KCNMA1: variants seen among roughly 807,000 people sequenced by gnomAD.
KCNMA1 encodes potassium calcium-activated channel subfamily M alpha 1.
KCNMA1 carries 29 observed loss-of-function variants against 140.0 expected under a neutral mutation model. The observed-to-expected ratio is 0.21, with a 90% CI of 0.15 to 0.28. The LOEUF is 0.28. Ranked by LOEUF, KCNMA1 falls within the 10% of genes least tolerant of loss-of-function variation. KCNMA1 has a pLI of 1.00. For synonymous variants in KCNMA1, 612 were observed against 611.9 expected, an observed-to-expected ratio of 1.00 and a Z score of 0.00; for missense variants, 880 against 1,602.2, an observed-to-expected ratio of 0.55 and a Z score of 7.70.
chr10:77,141,011 GA>G (rs977295640), intron 5 of KCNMA1, among the ~76,000 whole-genome samples: 1 of 152,036 alleles, frequency 6.6e-6, no homozygotes, highest in African/African-American at 2.4e-5. Flanking sequence ...GACTCATAAG[GA>G]GGATTCCCTT....
At chr10:77,377,326 A>G (rs917793459) in intron 2 of KCNMA1, among the ~76,000 whole-genome samples, 1 of 152,160 alleles carries the variant, frequency 6.6e-6, no homozygotes, top group Non-Finnish European at 1.5e-5. Context: ...CCAAGGACAA[A>G]GATGACCTCT....
chr10:77,588,219 C>T (rs1160440568), intron 1 of KCNMA1, among the ~76,000 whole-genome samples: 1 of 152,130 alleles, frequency 6.6e-6, no homozygotes, highest in Admixed American at 6.6e-5. Context: ...CAAGGTCAGA[C>T]ATAAAAGAGA....
At chr10:77,036,061 T>C (rs900392916) in intron 15 of KCNMA1, among the ~76,000 whole-genome samples, 1 of 152,190 alleles carries the variant, frequency 6.6e-6, no homozygotes, top group Non-Finnish European at 1.5e-5. Flanking sequence ...ATGGCTAGGA[T>C]AATGCAGGCA....
At chr10:77,533,978 C>T (rs1236718775) in intron 1 of KCNMA1, among the ~76,000 whole-genome samples, 1 of 152,154 alleles carries the variant, frequency 6.6e-6, no homozygotes, top group Non-Finnish European at 1.5e-5. Flanking sequence ...TATGCCAAAG[C>T]TGGCCCACTA....
At chr10:77,039,477 C>T (rs748206745) in intron 15 of KCNMA1, 51 bp downstream of exon 15, 7 of 1,059,528 alleles carry the variant, frequency 6.6e-6, no homozygotes, top group Admixed American at 1.7e-5. Flanking sequence ...TTGCAAGGGG[C>T]ACATTCAATA....
rs1205747293 is a variant in KCNMA1, at chr10:76,926,055, A to G, written c.2903-11006T>C. Among the ~76,000 whole-genome samples the G allele has an allele frequency of 2.0e-5, 3 of 152,192 alleles. No homozygotes were observed. The South Asian group carries it at 6.2e-4, about 31-fold the overall frequency. Reference sequence around the variant, plus strand: ...TTAAGTGTTGAAGTGTTTCCTGTACATACGTTTATGCTGGCAGATGAATAG... The same window carrying G: ...TTAAGTGTTGAAGTGTTTCCTGTACGTACGTTTATGCTGGCAGATGAATAG... On this transcript the variant is annotated intron_variant, in intron 23 of 27. Transcript: ENST00000286628.
intron 3 of KCNMA1, among the ~76,000 whole-genome samples, chr10:77,212,470 G>C (rs114284714): frequency 0.02 from 3,055 of 152,066 alleles, 107 homozygotes; most frequent in African/African-American, 0.07. Flanking sequence ...AAGGACCGTG[G>C]GTTGAAAAAC....
intron 1 of KCNMA1, among the ~76,000 whole-genome samples, chr10:77,446,079 G>C (rs1307333786): frequency 6.6e-6 from 1 of 150,620 alleles, no homozygotes; most frequent in Non-Finnish European, 1.5e-5. Context: ...CCTAATCCCT[G>C]AAACCTCTCT....
At chr10:77,432,139 C>T (rs1261921057) in intron 1 of KCNMA1, among the ~76,000 whole-genome samples, 1 of 152,196 alleles carries the variant, frequency 6.6e-6, no homozygotes, top group African/African-American at 2.4e-5. Flanking sequence ...TTTCCTTTCC[C>T]CTTCTGAGCA....
At chr10:77,374,167 C>T (rs2094928458) in intron 2 of KCNMA1, among the ~76,000 whole-genome samples, 1 of 152,144 alleles carries the variant, frequency 6.6e-6, no homozygotes, top group African/African-American at 2.4e-5. Flanking sequence ...CTGATCTGGC[C>T]AAGCCTGGGC....
chr10:77,636,611 G>A (rs930636952), intron 1 of KCNMA1: 2 of 1,536,008 alleles, frequency 1.3e-6, no homozygotes, highest in African/African-American at 1.4e-5. Context: ...ATGCGACCTC[G>A]ACACATTCCA....
At chr10:77,375,511 G>A (rs2095035692) in intron 2 of KCNMA1, among the ~76,000 whole-genome samples, 1 of 152,188 alleles carries the variant, frequency 6.6e-6, no homozygotes, top group Non-Finnish European at 1.5e-5. Context: ...GCCACCACAA[G>A]AGTCCTCCAT....
At chr10:76,919,982 T>TTGTGTGTGTGTGTGTG (rs1196371060) in intron 23 of KCNMA1, among the ~76,000 whole-genome samples, 3 of 77,616 alleles carry the variant, frequency 3.9e-5, no homozygotes, top group Admixed American at 1.9e-4. Context: ...GCAATGAGCA[T>TTGTGTGTGTGTGTGTG]TGTGTGTGTG....
chr10:77,490,635 G>A (rs760489324), intron 1 of KCNMA1, among the ~76,000 whole-genome samples: 3 of 152,168 alleles, frequency 2.0e-5, no homozygotes, highest in South Asian at 2.1e-4. Flanking sequence ...GGTTGGTGCT[G>A]TGCTTATTCA....
intron 1 of KCNMA1, among the ~76,000 whole-genome samples, chr10:77,589,185 AAG>A (rs1409604238): frequency 4.6e-5 from 7 of 152,218 alleles, no homozygotes; most frequent in African/African-American, 1.7e-4. Context: ...CTTATAAAAC[AAG>A]AGAGGTGTGT....
rs56084067 is a variant in KCNMA1 at position 77,637,174 on chromosome 10, C to T, written c.378+91G>A. ...AGGCAGGCGGGGATGGAGGGAGGCA[C>T]GGCGCGGCGCGGAGCGAGGAGGTGG... On this transcript the variant is annotated intron_variant, in intron 1 of 27. Transcript: ENST00000286628. The T allele has an allele frequency of 6.1e-6, 8 of 1,306,488 alleles. No homozygotes were observed. The East Asian group carries it at 7.7e-5, about 12-fold the overall frequency. The allele number at this position is 1,306,488 out of a possible 1,614,324, so 80.9% of individuals were successfully genotyped here.
intron 25 of KCNMA1, among the ~76,000 whole-genome samples, chr10:76,900,757 C>A (rs1286118889): frequency 6.6e-6 from 1 of 151,740 alleles, no homozygotes; most frequent in East Asian, 1.9e-4. Context: ...AATTAAAGGG[C>A]CTCCTAGGAA....
chr10:77,506,628 G>GA (rs2046073160), intron 1 of KCNMA1, among the ~76,000 whole-genome samples: 2 of 44,880 alleles, frequency 4.5e-5, no homozygotes, highest in Non-Finnish European at 8.0e-5. Context: ...TGTTAGAGAG[G>GA]GAGAGAGACA....
downstream of KCNMA1, chr10:76,875,307 C>T (rs1225912888): frequency 1.3e-5 from 2 of 152,066 alleles, no homozygotes; most frequent in Admixed American, 1.3e-4. Flanking sequence ...GAACTTATTG[C>T]TCTATTTAAA....
Sources: allele counts gnomAD v4.1 joint callset (sites outside exome capture counted in the v4.1 genomes callset), GRCh38; gene constraint gnomAD v4.1.1; transcripts MANE v1.5; gene names NCBI Gene and HGNC (gene_info 2026-07-23, HGNC 2026-07-21).